Variants in SGIP1 observed in about 807,000 individuals in gnomAD.
The protein encoded by SGIP1 is SH3GL interacting endocytic adaptor 1.
In SGIP1, 38 loss-of-function variants were observed where a neutral mutation model predicts 107.5. The observed-to-expected ratio is 0.35, with a 90% confidence interval of 0.27 to 0.46. The LOEUF (loss-of-function observed/expected upper bound fraction) is 0.46, where lower values mean the gene tolerates loss of function less well. SGIP1 is among the 20% of genes least tolerant of loss of function. SGIP1 has a pLI of 1.00. For synonymous variants in SGIP1, 365 were observed against 366.1 expected (o/e 1.00, Z 0.03); for missense variants, 929 against 1,019.5 (o/e 0.91, Z 1.21).
At position 66,613,395 on chromosome 1, in the gene SGIP1, T is replaced by C. The variant is rs116294920; in HGVS notation, c.11-12452T>C. Among the ~76,000 whole-genome samples, 1,277 of 152,266 alleles carry C rather than the reference T, an allele frequency of 8.4e-3. 14 individuals carry two copies. The highest frequency in any genetic ancestry group is 0.027 in the African/African-American group (1,119 of 41,552). On this transcript the variant is annotated intron_variant, in intron 1 of 24. Coordinates refer to ENST00000371037, the MANE Select transcript of SGIP1 (RefSeq NM_032291.4). ...TCCACGAGGGAGTGCAGTGGTGCAA[T>C]CTCAACTCACTGCAGCCTCTGCTTC...
rs912638796 is a variant in SGIP1, at chr1:66,743,370, T to C, written c.*275T>C. The C allele has an allele frequency of 6.9e-6, 2 of 290,596 alleles. No individual in the cohort carries two copies. Among genetic ancestry groups the C allele is most frequent in the African/African-American group, 4.3e-5 (2 of 46,064 alleles). The allele number at this position is 290,596 out of a possible 1,614,324, so 18.0% of individuals were successfully genotyped here. On this transcript the variant is annotated 3_prime_UTR_variant, in exon 25 of 25. Coordinates refer to ENST00000371037, the MANE Select transcript of SGIP1 (RefSeq NM_032291.4). ...TCATTCCAGTAAGGCAGTTAGACAC[T>C]TGAGTTTTAGCATTTTACCATTCCT...
intron 1 of SGIP1, among the ~76,000 whole-genome samples, chr1:66,583,014 A>G (rs918962879): frequency 6.6e-6 from 1 of 152,202 alleles, no homozygotes; most frequent in Middle Eastern, 3.4e-3. Flanking sequence ...ACACATATTT[A>G]TAACATTTTT....
chr1:66,622,706 T>C (rs906272405), intron 1 of SGIP1, among the ~76,000 whole-genome samples: 15 of 152,302 alleles, frequency 9.8e-5, no homozygotes, highest in Middle Eastern at 3.4e-3. Context: ...CTCAATTCCA[T>C]AGCTTGGGAG....
chr1:66,694,801 T>C (rs2090543508), intron 17 of SGIP1: 5 of 325,454 alleles, frequency 1.5e-5, no homozygotes, highest in Non-Finnish European at 2.8e-5. Flanking sequence ...TGCTCAGAAT[T>C]ACATGTCCGG....
chr1:66,696,842 T>C (rs2091014118), intron 18 of SGIP1, among the ~76,000 whole-genome samples: 1 of 152,228 alleles, frequency 6.6e-6, no homozygotes, highest in African/African-American at 2.4e-5. Flanking sequence ...AAACTTTCTC[T>C]TTGAATTAGA....
At position 66,670,472 on chromosome 1, in the gene SGIP1, G is replaced by A. The variant is rs145805829; in HGVS notation, c.484-523G>A. ...ATTCCCTGGCTTTCTGAATAAAACAGTTCATTCAATGGCAGATAGTTCAAG... is the reference window on the plus strand; with the variant it reads ...ATTCCCTGGCTTTCTGAATAAAACAATTCATTCAATGGCAGATAGTTCAAG... On this transcript the variant is annotated intron_variant, in intron 9 of 24. Coordinates refer to ENST00000371037, the MANE Select transcript of SGIP1 (RefSeq NM_032291.4). Among the ~76,000 whole-genome samples, 634 of 152,284 alleles carry A rather than the reference G, an allele frequency of 4.2e-3. 4 individuals carry two copies. The highest frequency in any genetic ancestry group is 0.015 in the African/African-American group (607 of 41,554).
At chr1:66,663,832 C>T (rs2082002272) in intron 8 of SGIP1, among the ~76,000 whole-genome samples, 1 of 152,100 alleles carries the variant, frequency 6.6e-6, no homozygotes, top group Non-Finnish European at 1.5e-5. Context: ...AATTAAGATA[C>T]AACTCAATTT....
At chr1:66,575,622 C>T (rs1030666539) in intron 1 of SGIP1, among the ~76,000 whole-genome samples, 2 of 152,072 alleles carry the variant, frequency 1.3e-5, no homozygotes, top group Non-Finnish European at 2.9e-5. Flanking sequence ...TCAGTTTTCA[C>T]CAATAGAAAA....
intron 1 of SGIP1, among the ~76,000 whole-genome samples, chr1:66,575,859 AC>A (rs1210079409): frequency 6.6e-6 from 1 of 152,212 alleles, no homozygotes; most frequent in African/African-American, 2.4e-5. Flanking sequence ...TCTTGGAAAG[AC>A]AAGTAGAGGC....
intron 7 of SGIP1, among the ~76,000 whole-genome samples, chr1:66,649,388 A>G (rs765807553): frequency 9.8e-5 from 15 of 152,342 alleles, no homozygotes; most frequent in Non-Finnish European, 1.9e-4. Context: ...AGTACTGCTT[A>G]GGTAAGGTAC....
At chr1:66,601,089 C>T (rs1031288736) in intron 1 of SGIP1, among the ~76,000 whole-genome samples, 4 of 152,074 alleles carry the variant, frequency 2.6e-5, no homozygotes, top group Non-Finnish European at 4.4e-5. Flanking sequence ...AAAGGCCGGG[C>T]GCGGTGGCTC....
At chr1:66,611,662 G>A (rs907270783) in intron 1 of SGIP1, among the ~76,000 whole-genome samples, 4 of 152,190 alleles carry the variant, frequency 2.6e-5, no homozygotes, top group African/African-American at 4.8e-5. Flanking sequence ...ATAGCTTCAT[G>A]CGATGGGAGA....
At chr1:66,703,461 A>G (rs1459092520) in intron 18 of SGIP1, among the ~76,000 whole-genome samples, 1 of 151,972 alleles carries the variant, frequency 6.6e-6, no homozygotes, top group African/African-American at 2.4e-5. Context: ...TTATCCTAGT[A>G]TTAGAAAGAT....
chr1:66,627,854 TC>T, intron 2 of SGIP1, among the ~76,000 whole-genome samples: 1 of 152,012 alleles, frequency 6.6e-6, no homozygotes, highest in Non-Finnish European at 1.5e-5. Flanking sequence ...ATCCATTAAC[TC>T]GTCATTAACA....
intron 15 of SGIP1, 89 bp from the exon 16 acceptor site, chr1:66,689,059 A>G: frequency 1.4e-6 from 2 of 1,454,768 alleles, no homozygotes; most frequent in Non-Finnish European, 1.8e-6. Context: ...AAAAAAAAAA[A>G]AAAAATGTCC....
chr1:66,581,134 C>T (rs1459185691), intron 1 of SGIP1, among the ~76,000 whole-genome samples: 2 of 152,064 alleles, frequency 1.3e-5, no homozygotes, highest in Non-Finnish European at 2.9e-5. Context: ...CACTCTAAGA[C>T]ATGAGAGTAT....
At chr1:66,554,207 A>T (rs933766499) in intron 1 of SGIP1, among the ~76,000 whole-genome samples, 2 of 152,158 alleles carry the variant, frequency 1.3e-5, no homozygotes, top group African/African-American at 4.8e-5. Flanking sequence ...TCAGAACAAG[A>T]TGCTCCACAA....
chr1:66,649,416 T>C (rs181437496), intron 7 of SGIP1, among the ~76,000 whole-genome samples: 2 of 152,112 alleles, frequency 1.3e-5, no homozygotes. Flanking sequence ...TCAGTGAGAG[T>C]CTCAGTTTCT....
intron 20 of SGIP1, among the ~76,000 whole-genome samples, chr1:66,732,384 A>G (rs1353135517): frequency 3.3e-5 from 5 of 152,146 alleles, no homozygotes; most frequent in African/African-American, 1.2e-4. Context: ...ATGCTTTTCA[A>G]TTTAAAAAAA....
Sources: allele counts gnomAD v4.1 joint callset (sites outside exome capture counted in the v4.1 genomes callset), GRCh38; gene constraint gnomAD v4.1.1; transcripts MANE v1.5; gene names NCBI Gene and HGNC (gene_info 2026-07-23, HGNC 2026-07-21).